LRRTM3: variants seen among roughly 807,000 people sequenced by gnomAD.
LRRTM3 encodes the protein leucine rich repeat transmembrane neuronal 3.
In LRRTM3, 24 loss-of-function variants were observed where a neutral mutation model predicts 44.7. The ratio of observed to expected loss-of-function variants is 0.54; its 90% CI spans 0.39 to 0.76. The LOEUF (loss-of-function observed/expected upper bound fraction) is 0.76. Ranked by LOEUF, LRRTM3 falls within the 30% of genes least tolerant of loss-of-function variation. The pLI is 0.00. For synonymous variants in LRRTM3, 277 were observed against 278.7 expected, an observed-to-expected ratio of 0.99 and a Z score of 0.06; for missense variants, 587 against 702.2, an observed-to-expected ratio of 0.84 and a Z score of 1.85.
chr10:66,995,603 T>C (rs1431949760), intron 2 of LRRTM3, among the ~76,000 whole-genome samples: 1 of 152,232 alleles, frequency 6.6e-6, no homozygotes, highest in Non-Finnish European at 1.5e-5. Context: ...TCCCTGGCTC[T>C]TGTCTACATC....
intron 2 of LRRTM3, among the ~76,000 whole-genome samples, chr10:67,079,746 G>C (rs1181328741): frequency 1.3e-5 from 2 of 151,986 alleles, no homozygotes; most frequent in Non-Finnish European, 2.9e-5. Flanking sequence ...TGCTCAGGAG[G>C]CTGAGGCAGG....
At position 67,036,230 on chromosome 10, in the gene LRRTM3, G is replaced by A. The variant is rs935941572; in HGVS notation, c.1537-61357G>A. Among the ~76,000 whole-genome samples the A allele has an allele frequency of 4.0e-5, 6 of 151,550 alleles. No individual in the cohort carries two copies. The South Asian group carries it at 6.3e-4, about 16-fold the overall frequency. ...TACAGTGGCATGACCATGGCTCACT[G>A]CAACCTCAACCTCCTGGGCTCAAGA... On this transcript the variant is annotated intron_variant, in intron 2 of 2. Coordinates refer to ENST00000361320, the MANE Select transcript of LRRTM3 (RefSeq NM_178011.5).
At position 67,099,400 on chromosome 10, in the gene LRRTM3, T is replaced by G. The variant is rs1159007307; in HGVS notation, c.*1604T>G. 1 of 151,716 alleles carries G rather than the reference T, an allele frequency of 6.6e-6. No individual in the cohort carries two copies. Among genetic ancestry groups the G allele is most frequent in the Non-Finnish European group, 1.5e-5 (1 of 67,772 alleles). The allele number at this position is 151,716 out of a possible 1,614,324, so 9.4% of individuals were successfully genotyped here. A position where few individuals can be genotyped will look rare whatever the true frequency, so the allele number is the denominator to read the frequency against. ...GTGCTTTTTATGTTGTCATTTTATA[T>G]TCATGCCATCAAAAGTAGATTGACA... is the stretch of plus-strand genomic sequence containing the variant. On this transcript the variant is annotated 3_prime_UTR_variant, in exon 3 of 3. Transcript: ENST00000361320.
At chr10:67,093,619 G>A (rs1291657877) in intron 2 of LRRTM3, among the ~76,000 whole-genome samples, 1 of 151,610 alleles carries the variant, frequency 6.6e-6, no homozygotes, top group Middle Eastern at 3.4e-3. Context: ...ACTACCCAGC[G>A]ACCAGTCATT....
rs188418108 is a variant in LRRTM3, at chr10:67,043,848, G to T, written c.1537-53739G>T. Reference sequence around the variant, plus strand: ...TACAGTGAGGACTACTTTTTTTTCTGTTTACTTCTATATGCCCAACATTCT... The same window carrying T: ...TACAGTGAGGACTACTTTTTTTTCTTTTTACTTCTATATGCCCAACATTCT... On this transcript the variant is annotated intron_variant, in intron 2 of 2. Transcript: ENST00000361320. Among the ~76,000 whole-genome samples, 33 of 151,374 alleles carry T rather than the reference G, an allele frequency of 2.2e-4. 1 individual carries two copies. The highest frequency in any genetic ancestry group is 6.8e-4 in the African/African-American group (28 of 41,296).
chr10:66,967,752 G>A (rs919996624), intron 2 of LRRTM3, among the ~76,000 whole-genome samples: 3 of 152,012 alleles, frequency 2.0e-5, no homozygotes, highest in Admixed American at 1.3e-4. Context: ...GAGTGCCAGT[G>A]AGAAAAATAA....
At chr10:67,054,078 C>A (rs113294260) in intron 2 of LRRTM3, among the ~76,000 whole-genome samples, 2 of 152,146 alleles carry the variant, frequency 1.3e-5, no homozygotes, top group East Asian at 3.9e-4. Flanking sequence ...TAGTATTTAC[C>A]GTTTCAAAAG....
chr10:67,080,802 G>A (rs987935227), intron 2 of LRRTM3, among the ~76,000 whole-genome samples: 1 of 151,878 alleles, frequency 6.6e-6, no homozygotes, highest in Non-Finnish European at 1.5e-5. Flanking sequence ...CCAGCTACTC[G>A]GGAGGCTGAG....
At chr10:67,095,254 A>G (rs16924022) in intron 2 of LRRTM3, among the ~76,000 whole-genome samples, 3,195 of 151,796 alleles carry the variant, frequency 0.021, 100 homozygotes, top group African/African-American at 0.066. Flanking sequence ...CAACTTTAAA[A>G]TGCACTCTCA....
chr10:66,966,397 T>C (rs906792166), intron 2 of LRRTM3, among the ~76,000 whole-genome samples: 2 of 152,158 alleles, frequency 1.3e-5, no homozygotes, highest in Non-Finnish European at 2.9e-5. Context: ...ATTTATTTGA[T>C]GTCATTACTT....
intron 2 of LRRTM3, among the ~76,000 whole-genome samples, chr10:66,978,723 T>G (rs1850228313): frequency 6.7e-6 from 1 of 149,578 alleles, no homozygotes; most frequent in Admixed American, 6.7e-5. Context: ...ATAAATACAT[T>G]TACTAAACCT....
intron 2 of LRRTM3, among the ~76,000 whole-genome samples, chr10:66,983,955 G>A (rs922547052): frequency 4.6e-5 from 7 of 152,260 alleles, no homozygotes; most frequent in African/African-American, 1.7e-4. Context: ...ACGGTAAATG[G>A]TAGATACTAT....
chr10:67,083,301 A>G (rs957574013), intron 2 of LRRTM3, among the ~76,000 whole-genome samples: 1 of 152,178 alleles, frequency 6.6e-6, no homozygotes, highest in African/African-American at 2.4e-5. Flanking sequence ...TTAATACACT[A>G]TGAAGACCAA....
intron 2 of LRRTM3, among the ~76,000 whole-genome samples, chr10:67,010,211 T>C (rs1852232735): frequency 6.6e-6 from 1 of 152,176 alleles, no homozygotes; most frequent in Admixed American, 6.5e-5. Context: ...TACATATTGT[T>C]CTTTAGAAAA....
chr10:67,071,598 G>GT (rs1261450012), intron 2 of LRRTM3, among the ~76,000 whole-genome samples: 4 of 151,236 alleles, frequency 2.6e-5, no homozygotes, highest in Non-Finnish European at 5.9e-5. Flanking sequence ...TGTTTTTATT[G>GT]TATTTATCCT....
intron 2 of LRRTM3, among the ~76,000 whole-genome samples, chr10:67,059,078 T>G (rs1295486571): frequency 6.6e-6 from 1 of 152,194 alleles, no homozygotes; most frequent in Admixed American, 6.5e-5. Context: ...CACACACAAA[T>G]GAGTCCACTT....
intron 2 of LRRTM3, among the ~76,000 whole-genome samples, chr10:67,078,482 T>G (rs1433975590): frequency 6.6e-6 from 1 of 152,040 alleles, no homozygotes; most frequent in Non-Finnish European, 1.5e-5. Flanking sequence ...TCAAGGCAAT[T>G]ATTATGATTT....
rs149618316 is a variant in LRRTM3, at chr10:67,041,992, T to C, written c.1537-55595T>C. On this transcript the variant is annotated intron_variant, in intron 2 of 2. Coordinates refer to ENST00000361320, the MANE Select transcript of LRRTM3 (RefSeq NM_178011.5). ...GGGCATATATAGTAGTTTGATAAAA[T>C]TGAAGTAACCTTAAAGTACGTGTGA... Among the ~76,000 whole-genome samples the C allele has an allele frequency of 5.3e-3, 811 of 152,104 alleles. 7 individuals are homozygous for C. Among genetic ancestry groups the C allele is most frequent in the African/African-American group, 0.018 (756 of 41,502 alleles).
At chr10:67,038,093 G>A (rs978327737) in intron 2 of LRRTM3, among the ~76,000 whole-genome samples, 9 of 152,014 alleles carry the variant, frequency 5.9e-5, no homozygotes, top group East Asian at 3.9e-4. Flanking sequence ...TATTTATTTC[G>A]ATTTAATAGT....
Sources: allele counts gnomAD v4.1 joint callset (sites outside exome capture counted in the v4.1 genomes callset), GRCh38; gene constraint gnomAD v4.1.1; transcripts MANE v1.5; gene names NCBI Gene and HGNC (gene_info 2026-07-23, HGNC 2026-07-21).